The following TANC2 variants were observed in gnomAD, a reference collection of about 807,000 sequenced individuals.
TANC2 encodes protein TANC2.
TANC2 carries 26 observed loss-of-function variants against 210.5 expected under a neutral mutation model. That is an observed-to-expected ratio of 0.12 (90% CI 0.09 to 0.17). TANC2 has a LOEUF of 0.17. Ranked by LOEUF, TANC2 falls within the 10% of genes least tolerant of loss-of-function variation. TANC2 has a pLI of 1.00. For synonymous variants in TANC2, 931 were observed against 967.1 expected (o/e 0.96, Z 0.69); for missense variants, 2,129 against 2,608.9 (o/e 0.82, Z 4.01).
chr17:63,224,586 A>G (rs1297001012), intron 7 of TANC2, among the ~76,000 whole-genome samples: 1 of 152,172 alleles, frequency 6.6e-6, no homozygotes, highest in Non-Finnish European at 1.5e-5. Flanking sequence ...CATCTGAGAA[A>G]TACGTGCTGC....
chr17:63,323,604 G>C (rs2045561625), intron 11 of TANC2, among the ~76,000 whole-genome samples: 1 of 152,210 alleles, frequency 6.6e-6, no homozygotes, highest in Non-Finnish European at 1.5e-5. Flanking sequence ...GAGACAAGGA[G>C]AAGTTGGCCT....
intron 8 of TANC2, among the ~76,000 whole-genome samples, chr17:63,249,311 A>G (rs2042995517): frequency 6.6e-6 from 1 of 152,208 alleles, no homozygotes; most frequent in Admixed American, 6.5e-5. Context: ...TCAAAATGTA[A>G]ATTGCTATTG....
chr17:63,209,591 G>GC (rs1311773043), intron 7 of TANC2, among the ~76,000 whole-genome samples: 2 of 151,922 alleles, frequency 1.3e-5, no homozygotes, highest in East Asian at 3.9e-4. Flanking sequence ...GCACCACCAT[G>GC]CCTGTCTAAT....
intron 19 of TANC2, among the ~76,000 whole-genome samples, chr17:63,399,508 G>A (rs950372202): frequency 6.6e-6 from 1 of 152,202 alleles, no homozygotes; most frequent in East Asian, 1.9e-4. Context: ...GCAAACAGAA[G>A]CCTCTTCCTT....
At position 63,228,469 on chromosome 17, in the gene TANC2, T is replaced by C. The variant is rs138204635; in HGVS notation, c.770-9345T>C. Among the ~76,000 whole-genome samples, 568 of 152,310 alleles carry C rather than the reference T, an allele frequency of 3.7e-3. 6 individuals are homozygous for C. Among genetic ancestry groups the C allele is most frequent in the African/African-American group, 0.012 (481 of 41,574 alleles). ...TAGTTTTTTCTAATTCTTTGAAGAA[T>C]GTCAGTGATAGTTTAATGGGAATGG... On this transcript the variant is annotated intron_variant, in intron 7 of 27. Coordinates refer to ENST00000689528, the Ensembl canonical transcript of TANC2.
At chr17:63,228,007 G>T (rs1185137661) in intron 7 of TANC2, among the ~76,000 whole-genome samples, 1 of 152,082 alleles carries the variant, frequency 6.6e-6, no homozygotes, top group East Asian at 1.9e-4. Context: ...GGGATTACAA[G>T]TGTGCACCAC....
At chr17:63,318,076 T>A (rs139614824) in intron 10 of TANC2, among the ~76,000 whole-genome samples, 1 of 152,180 alleles carries the variant, frequency 6.6e-6, no homozygotes, top group African/African-American at 2.4e-5. Flanking sequence ...ACCAAGAAAT[T>A]TACTGCACCA....
At chr17:63,364,576 G>T (rs1357639914) in intron 14 of TANC2, among the ~76,000 whole-genome samples, 1 of 152,076 alleles carries the variant, frequency 6.6e-6, no homozygotes, top group Non-Finnish European at 1.5e-5. Context: ...TAGCCAAAAG[G>T]CCCAGAAGTG....
At chr17:63,314,048 C>T (rs1444800621) in intron 9 of TANC2, among the ~76,000 whole-genome samples, 3 of 152,182 alleles carry the variant, frequency 2.0e-5, no homozygotes, top group African/African-American at 7.2e-5. Context: ...GCCTTTAGGT[C>T]CCTTCTTCAC....
At chr17:63,396,133 G>A (rs1008092846) in intron 18 of TANC2, 2 of 546,340 alleles carry the variant, frequency 3.7e-6, no homozygotes, top group South Asian at 2.4e-5. Flanking sequence ...AGAAAGGTGC[G>A]AGTTGGAAAG....
chr17:63,020,660 C>G (rs1166012879), intron 2 of TANC2, among the ~76,000 whole-genome samples: 1 of 152,300 alleles, frequency 6.6e-6, no homozygotes, highest in African/African-American at 2.4e-5. Context: ...ACACAAAAGT[C>G]AGTTCATCTG....
At chr17:63,234,505 G>C (rs1263666360) in intron 7 of TANC2, among the ~76,000 whole-genome samples, 1 of 152,108 alleles carries the variant, frequency 6.6e-6, no homozygotes, top group Non-Finnish European at 1.5e-5. Context: ...TCTGTGCTGA[G>C]GGTCTCCTGA....
intron 8 of TANC2, among the ~76,000 whole-genome samples, chr17:63,258,278 C>T (rs2043257915): frequency 6.6e-6 from 1 of 152,050 alleles, no homozygotes; most frequent in Admixed American, 6.6e-5. Flanking sequence ...CTTTTAGGAT[C>T]CTTTCTTTAT....
chr17:62,987,495 G>A (rs1037378347), intron 1 of TANC2, among the ~76,000 whole-genome samples: 1 of 152,190 alleles, frequency 6.6e-6, no homozygotes, highest in African/African-American at 2.4e-5. Context: ...ACGGGGGTCA[G>A]GGCTTGTGAG....
chr17:63,184,795 A>G (rs2040918374), intron 5 of TANC2, among the ~76,000 whole-genome samples: 1 of 151,838 alleles, frequency 6.6e-6, no homozygotes, highest in African/African-American at 2.4e-5. Context: ...CTGGGATTAC[A>G]GGCGCCTGCC....
At chr17:63,415,060 G>A (rs769392793) in intron 25 of TANC2, among the ~76,000 whole-genome samples, 1 of 152,226 alleles carries the variant, frequency 6.6e-6, no homozygotes, top group Non-Finnish European at 1.5e-5. Flanking sequence ...CATCCTTCAT[G>A]AGGAAGAGAG....
At chr17:63,046,355 G>T (rs1281361130) in intron 2 of TANC2, among the ~76,000 whole-genome samples, 5 of 74,500 alleles carry the variant, frequency 6.7e-5, no homozygotes, top group Admixed American at 3.3e-4. Flanking sequence ...TTTTTGAGAT[G>T]GAGTTTCACT....
chr17:63,274,653 T>TA (rs1296409730), intron 9 of TANC2, among the ~76,000 whole-genome samples: 3 of 151,624 alleles, frequency 2.0e-5, no homozygotes, highest in East Asian at 3.9e-4. Context: ...ATCTCTACTT[T>TA]AAAAAAATAC....
Position 63,420,618 on chromosome 17 carries a change from C to T in TANC2, c.4888C>T (p.Pro1630Ser), listed in dbSNP as rs1460703029. Residue 1630 changes from proline to serine, a missense_variant, in exon 28 of 28, where the codon CCT becomes TCT. This residue lies in a region of TANC2 where 584 missense variants were observed against 627.3 expected (regional missense o/e 0.93). Coordinates refer to ENST00000689528, the Ensembl canonical transcript of TANC2. This position sits in a 1 kb window ranked among gnomAD's most constrained non-coding sequence, Gnocchi z 4.2. ...GAGAGGCCCTCAGTATCGGGCCAGC[C>T]CTCCAGCTGAAAGTATGAGTGTCTA... is the stretch of plus-strand genomic sequence containing the variant. 9 of 1,613,840 alleles carry T rather than the reference C, an allele frequency of 5.6e-6. No individual in the cohort carries two copies. The African/African-American group carries it at 1.2e-4, about 22-fold the overall frequency.
Sources: gnomAD v4.1 joint callset for allele counts (sites outside exome capture counted in the v4.1 genomes callset) on GRCh38, gnomAD v4.1.1 for gene constraint, gnomAD v4.1.1 regional missense constraint, Gnocchi (gnomAD v3.1) non-coding constraint, MANE v1.5 for transcripts, NCBI Gene and HGNC (gene_info 2026-07-23, HGNC 2026-07-21) for gene names.